Variants in VAV3 observed in about 807,000 individuals in gnomAD.
The protein encoded by VAV3 is guanine nucleotide exchange factor VAV3.
In VAV3, 94 loss-of-function variants were observed where a neutral mutation model predicts 131.2. The observed-to-expected ratio is 0.72, with a 90% CI of 0.61 to 0.85. VAV3 has a LOEUF of 0.85. Ranked by LOEUF, VAV3 falls within the 40% of genes least tolerant of loss-of-function variation. The pLI is 0.00. For synonymous variants in VAV3, 349 were observed against 342.0 expected, an observed-to-expected ratio of 1.02 and a Z score of -0.22; for missense variants, 939 against 1,002.7, an observed-to-expected ratio of 0.94 and a Z score of 0.86.
At chr1:107,827,925 G>T (rs1487773796) in intron 2 of VAV3, among the ~76,000 whole-genome samples, 1 of 152,094 alleles carries the variant, frequency 6.6e-6, no homozygotes, top group East Asian at 1.9e-4. Context: ...CCAACTAGAG[G>T]CTTGAGAATT....
At chr1:107,860,111 A>G (rs1398610604) in intron 2 of VAV3, among the ~76,000 whole-genome samples, 1 of 152,134 alleles carries the variant, frequency 6.6e-6, no homozygotes, top group African/African-American at 2.4e-5. Flanking sequence ...GATGAATCAA[A>G]TATGGTCAAA....
chr1:107,964,585 T>C (rs1675326638), intron 1 of VAV3, 81 bp downstream of exon 1: 2 of 1,471,360 alleles, frequency 1.4e-6, no homozygotes, highest in East Asian at 2.4e-5. Flanking sequence ...ACCTAGACGT[T>C]TGCATTTACA....
intron 1 of VAV3, among the ~76,000 whole-genome samples, chr1:107,938,210 C>T (rs990449049): frequency 2.0e-5 from 3 of 152,112 alleles, no homozygotes; most frequent in African/African-American, 7.2e-5. Flanking sequence ...GAAGAGGAGG[C>T]GATCCCCGAG....
intron 9 of VAV3, among the ~76,000 whole-genome samples, chr1:107,764,137 C>T (rs6703924): frequency 1.3e-5 from 2 of 151,244 alleles, no homozygotes; most frequent in East Asian, 2.0e-4. Context: ...CAAAAAAACA[C>T]GACTTAACCT....
At chr1:107,657,944 C>T (rs1007583969) in intron 19 of VAV3, among the ~76,000 whole-genome samples, 3 of 152,046 alleles carry the variant, frequency 2.0e-5, no homozygotes, top group South Asian at 2.1e-4. Context: ...AGAGGAAATA[C>T]GACTAGAAAA....
intron 19 of VAV3, among the ~76,000 whole-genome samples, chr1:107,650,544 A>G (rs1570685004): frequency 6.7e-6 from 1 of 149,510 alleles, no homozygotes; most frequent in East Asian, 2.0e-4. Context: ...TTTTTATTTT[A>G]TTATTTATTT....
At chr1:107,769,946 C>A (rs1323550122) in intron 6 of VAV3, among the ~76,000 whole-genome samples, 1 of 152,166 alleles carries the variant, frequency 6.6e-6, no homozygotes, top group East Asian at 1.9e-4. Context: ...CTCTTAGTTA[C>A]CACTCTTGCC....
chr1:107,603,127 G>C lies in VAV3; in HGVS notation c.2052C>G (p.Thr684=). The change falls in exon 23 of 27, where the codon ACC becomes ACG. Residue 684 remains threonine (T), a synonymous_variant. Coordinates refer to ENST00000370056, the MANE Select transcript of VAV3 (RefSeq NM_006113.5). ...TACTATTTACCCTATTAATAAGTTC[G>C]GTCTCTGCTTGCAATCTTTCCATTG... ...AGAMERLQAE[T]ELINRVNSTY... The C allele has an allele frequency of 6.2e-7, 1 of 1,613,118 alleles. No homozygotes were observed. Among genetic ancestry groups the C allele is most frequent in the Non-Finnish European group, 8.5e-7 (1 of 1,179,552 alleles).
At chr1:107,819,750 G>A (rs1042985319) in intron 2 of VAV3, among the ~76,000 whole-genome samples, 2 of 152,002 alleles carry the variant, frequency 1.3e-5, no homozygotes, top group Non-Finnish European at 2.9e-5. Context: ...TATCATCAAG[G>A]AAGTATGATG....
intron 19 of VAV3, among the ~76,000 whole-genome samples, chr1:107,675,924 G>C (rs1658176040): frequency 6.6e-6 from 1 of 152,134 alleles, no homozygotes; most frequent in South Asian, 2.1e-4. Flanking sequence ...ACCTTTGTTG[G>C]GAATCTCCAG....
At chr1:107,793,929 T>A (rs752648303) in intron 2 of VAV3, among the ~76,000 whole-genome samples, 1 of 152,252 alleles carries the variant, frequency 6.6e-6, no homozygotes, top group Admixed American at 6.5e-5. Flanking sequence ...TCCACTTGAC[T>A]TGCGTACTGC....
intron 1 of VAV3, among the ~76,000 whole-genome samples, chr1:107,900,349 G>C (rs983666497): frequency 6.6e-6 from 1 of 152,232 alleles, no homozygotes; most frequent in Non-Finnish European, 1.5e-5. Flanking sequence ...ATGCAAATTT[G>C]ATATTTTCTC....
intron 22 of VAV3, among the ~76,000 whole-genome samples, chr1:107,608,826 C>A (rs1353907278): frequency 6.6e-6 from 1 of 152,166 alleles, no homozygotes; most frequent in South Asian, 2.1e-4. Context: ...GCAAACCCAA[C>A]TAGTACTATA....
chr1:107,596,274 T>G lies in VAV3; in HGVS notation c.2288A>C (p.Gln763Pro). ...EGFRTLDTTLQFPYKEPEHSA... is the reference protein window; with the variant it reads ...EGFRTLDTTLPFPYKEPEHSA... ...ATGTTCTGGCTCCTTGTATGGAAAC[T>G]GCAGAGTTGTATCTAAGGTTCTGAA... Residue 763 changes from glutamine to proline, a missense_variant, in exon 25 of 27, where the codon CAG (glutamine) becomes CCG (proline). Transcript: ENST00000370056. 1 of 1,613,668 alleles carries G rather than the reference T, an allele frequency of 6.2e-7. No individual in the cohort carries two copies. The highest frequency in any genetic ancestry group is 8.5e-7 in the Non-Finnish European group (1 of 1,179,620).
At chr1:107,844,963 C>G (rs1668897950) in intron 2 of VAV3, among the ~76,000 whole-genome samples, 1 of 152,204 alleles carries the variant, frequency 6.6e-6, no homozygotes, top group Non-Finnish European at 1.5e-5. Context: ...TGCTAAGGGA[C>G]AGACTGCCTC....
At chr1:107,923,992 T>G (rs1049328569) in intron 1 of VAV3, among the ~76,000 whole-genome samples, 1 of 152,198 alleles carries the variant, frequency 6.6e-6, no homozygotes, top group African/African-American at 2.4e-5. Flanking sequence ...TCCTGTTGTT[T>G]ATAAGCTCCC....
At chr1:107,931,399 CAATT>C (rs894779731) in intron 1 of VAV3, among the ~76,000 whole-genome samples, 3 of 151,900 alleles carry the variant, frequency 2.0e-5, no homozygotes, top group African/African-American at 7.3e-5. Flanking sequence ...TAAGTATGCA[CAATT>C]ATTATATGCC....
intron 3 of VAV3, 100 bp downstream of exon 3, chr1:107,779,334 T>C (rs912940078): frequency 2.8e-5 from 29 of 1,046,776 alleles, no homozygotes; most frequent in East Asian, 2.3e-4. Context: ...GAATGAGACA[T>C]AGTACCTGTG....
intron 20 of VAV3, among the ~76,000 whole-genome samples, chr1:107,617,871 T>C (rs1653281621): frequency 6.6e-6 from 1 of 152,184 alleles, no homozygotes; most frequent in Non-Finnish European, 1.5e-5. Context: ...CAAGTTTATT[T>C]TTCAATCTAC....
Sources: gnomAD v4.1 joint callset for allele counts (sites outside exome capture counted in the v4.1 genomes callset) on GRCh38, gnomAD v4.1.1 for gene constraint, MANE v1.5 for transcripts, NCBI Gene and HGNC (gene_info 2026-07-23, HGNC 2026-07-21) for gene names.